The following CKAP2 variants were observed in gnomAD, a reference collection of about 807,000 sequenced individuals.
CKAP2 encodes cytoskeleton associated protein 2.
In CKAP2, 46 loss-of-function variants were observed where a neutral mutation model predicts 58.4. The observed-to-expected ratio is 0.79, with a 90% CI of 0.62 to 1.01. The LOEUF (loss-of-function observed/expected upper bound fraction) is 1.01, where lower values mean the gene tolerates loss of function less well. CKAP2 is among the 50% of genes least tolerant of loss of function. The pLI, the probability that CKAP2 is intolerant of heterozygous loss-of-function variation, is 0.00. For synonymous variants in CKAP2, 293 were observed against 280.9 expected, an observed-to-expected ratio of 1.04 and a Z score of -0.43; for missense variants, 809 against 796.4, an observed-to-expected ratio of 1.02 and a Z score of -0.19.
chr13:52,468,821 A>G (rs1958719293), intron 7 of CKAP2, among the ~76,000 whole-genome samples: 1 of 152,198 alleles, frequency 6.6e-6, no homozygotes, highest in Non-Finnish European at 1.5e-5. Context: ...TATTGTGACT[A>G]GTGCTGCAAT....
chr13:52,465,230 G>A (rs1286743334), intron 5 of CKAP2, 65 bp from the exon 6 acceptor site: 2 of 1,361,412 alleles, frequency 1.5e-6, no homozygotes, highest in Non-Finnish European at 2.1e-6. Flanking sequence ...ACTATAGTAG[G>A]CTCAATTATT....
At position 52,475,218 on chromosome 13, in the gene CKAP2, C is replaced by T. The variant is rs1449490948; in HGVS notation, c.*77C>T. On this transcript the variant is annotated 3_prime_UTR_variant, in exon 9 of 9. Coordinates refer to ENST00000258607, the MANE Select transcript of CKAP2 (RefSeq NM_018204.5). ...TTGTTTTGAGTAGCTTTATATTGCT[C>T]TTAGGTCTGGAGTTGGCCATGTACC... The T allele has an allele frequency of 9.7e-6, 15 of 1,543,586 alleles. No homozygotes were observed. In the Admixed American group the frequency reaches 2.7e-4, roughly 28 times the overall value.
At chr13:52,455,840 C>T (rs1255325694) in intron 1 of CKAP2, 3 of 837,622 alleles carry the variant, frequency 3.6e-6, no homozygotes, top group Non-Finnish European at 4.8e-6. Flanking sequence ...TGTGCGGTCG[C>T]TGCTGGCTGG....
intron 1 of CKAP2, 29 bp downstream of exon 1, chr13:52,455,655 C>A: frequency 7.1e-7 from 1 of 1,403,784 alleles, no homozygotes; most frequent in Non-Finnish European, 9.6e-7. Flanking sequence ...GTGGCGGTGG[C>A]GGTGGCGGTG....
chr13:52,456,289 G>A, intron 1 of CKAP2: 3 of 771,938 alleles, frequency 3.9e-6, no homozygotes, highest in Non-Finnish European at 5.3e-6. Context: ...TTTTCACAGG[G>A]AGTAGAGAAT....
intron 7 of CKAP2, among the ~76,000 whole-genome samples, chr13:52,472,637 AAAAAG>A (rs1958775604): frequency 6.6e-6 from 1 of 152,146 alleles, no homozygotes; most frequent in African/African-American, 2.4e-5. Context: ...CTTTCTCCCA[AAAAAG>A]AAAAGAAAAA....
In CKAP2 at chr13:52,474,035, A is replaced by T. The variant is rs767897476; in HGVS notation, c.1753A>T (p.Thr585Ser). 3 of 1,613,994 alleles carry T rather than the reference A, an allele frequency of 1.9e-6. No individual in the cohort carries two copies. The highest frequency in any genetic ancestry group is 3.3e-5 in the Admixed American group (2 of 60,022). The change falls in exon 8 of 9, where the codon ACA becomes TCA. Residue 585 changes from threonine (T) to serine (S), a missense_variant. Thr to Ser is a moderately conservative substitution (Grantham distance 58). Transcript: ENST00000258607. ...TAAAACCCCCAATACAGAAACGAGG[A>T]CAAGTTGCTTAATTAAATATAATGT... ...DVKTPNTETRTSCLIKYNVST... is the reference protein window; with the variant it reads ...DVKTPNTETRSSCLIKYNVST...
At chr13:52,462,984 C>A (rs1027708435) in intron 5 of CKAP2, among the ~76,000 whole-genome samples, 1 of 152,222 alleles carries the variant, frequency 6.6e-6, no homozygotes, top group Non-Finnish European at 1.5e-5. Context: ...CTCACCCAAG[C>A]TGGAGTGCAG....
chr13:52,457,685 T>G (rs541171717), intron 2 of CKAP2, among the ~76,000 whole-genome samples: 52 of 152,224 alleles, frequency 3.4e-4, no homozygotes, highest in African/African-American at 1.2e-3. Flanking sequence ...AAACCCCGTC[T>G]CTACTAAAAA....
Position 52,461,105 on chromosome 13 carries a change from A to G in CKAP2, c.279A>G (p.Thr93=). The change falls in exon 4 of 9, where the codon ACA becomes ACG. Residue 93 remains threonine, a synonymous_variant. Coordinates refer to ENST00000258607, the MANE Select transcript of CKAP2 (RefSeq NM_018204.5). ...MKRPAESKNN[T]VVGKHCIPLK... ...GACCTGCAGAGAGCAAAAATAATAC[A>G]GTGGTGGGGAAACATTGTATTCCTT... The G allele has an allele frequency of 6.2e-7, 1 of 1,606,314 alleles. No individual in the cohort carries two copies.
At chr13:52,465,166 C>A in intron 5 of CKAP2, 129 bp from the exon 6 acceptor site, 1 of 687,740 alleles carries the variant, frequency 1.5e-6, no homozygotes, top group South Asian at 2.3e-5. Flanking sequence ...AATTTCTCAA[C>A]TAATGTTTCA....
At chr13:52,466,012 T>TAC (rs969098320) in intron 6 of CKAP2, among the ~76,000 whole-genome samples, 2 of 151,506 alleles carry the variant, frequency 1.3e-5, no homozygotes, top group African/African-American at 4.9e-5. Flanking sequence ...TATACACACA[T>TAC]ACACATATAT....
intron 7 of CKAP2, among the ~76,000 whole-genome samples, chr13:52,468,946 C>T (rs1166936026): frequency 2.0e-5 from 3 of 152,146 alleles, no homozygotes; most frequent in South Asian, 2.1e-4. Flanking sequence ...TTTGAGGAAT[C>T]GCCACACTGT....
In CKAP2 at chr13:52,455,480, A is replaced by T. The variant is rs1006627000; in HGVS notation, c.-77A>T. ...CCGTCTGACGGCTTAGCCGCGGTGCAGACTGCGGCGGCGGTGGTCTGAGGA... is the reference window on the plus strand; with the variant it reads ...CCGTCTGACGGCTTAGCCGCGGTGCTGACTGCGGCGGCGGTGGTCTGAGGA... On this transcript the variant is annotated 5_prime_UTR_variant, in exon 1 of 9. Transcript: ENST00000258607. 6.4e-7 allele frequency: 1 copy of T among 1,553,350 alleles called. No homozygotes were observed. Among genetic ancestry groups the T allele is most frequent in the African/African-American group, 1.4e-5 (1 of 73,814 alleles).
At chr13:52,467,367 TAAATG>T (rs1010385277) in intron 6 of CKAP2, among the ~76,000 whole-genome samples, 1 of 152,048 alleles carries the variant, frequency 6.6e-6, no homozygotes, top group Non-Finnish European at 1.5e-5. Context: ...ACCATAGACT[TAAATG>T]TAAGAGAAAA....
At chr13:52,464,409 TG>T (rs1958631232) in intron 5 of CKAP2, among the ~76,000 whole-genome samples, 1 of 151,960 alleles carries the variant, frequency 6.6e-6, no homozygotes, top group South Asian at 2.1e-4. Flanking sequence ...AAAAATTAGC[TG>T]GGCATGGAGG....
At chr13:52,467,678 C>T (rs1034386309) in intron 6 of CKAP2, among the ~76,000 whole-genome samples, 4 of 151,904 alleles carry the variant, frequency 2.6e-5, no homozygotes, top group Non-Finnish European at 5.9e-5. Flanking sequence ...CACTGCATTC[C>T]ATCCTGGCAA....
At chr13:52,465,499 A>C in intron 6 of CKAP2, 34 bp downstream of exon 6, 1 of 1,560,106 alleles carries the variant, frequency 6.4e-7, no homozygotes, top group South Asian at 1.1e-5. Context: ...TTACAATTAC[A>C]GTGTAGTAGA....
At position 52,461,365 on chromosome 13, in the gene CKAP2, G is replaced by C; in HGVS notation, c.539G>C (p.Gly180Ala). 5 of 1,614,164 alleles carry C rather than the reference G, an allele frequency of 3.1e-6. No individual in the cohort carries two copies. Among genetic ancestry groups the C allele is most frequent in the Non-Finnish European group, 4.2e-6 (5 of 1,180,024 alleles). ...AAACCTGTGCTTGGATCTTATCGTG[G>C]CCAGATTGTTCAGTCTAAGATTAAT... is the stretch of plus-strand genomic sequence containing the variant. ...PKKPVLGSYRGQIVQSKINSF... is the reference protein window; with the variant it reads ...PKKPVLGSYRAQIVQSKINSF... The change falls in exon 4 of 9, where the codon GGC becomes GCC. Residue 180 changes from glycine to alanine, a missense_variant. This residue lies in a region of CKAP2 where 523 missense variants were observed against 492.4 expected (regional missense o/e 1.06). Coordinates refer to ENST00000258607, the MANE Select transcript of CKAP2 (RefSeq NM_018204.5).
Sources: allele counts gnomAD v4.1 joint callset (sites outside exome capture counted in the v4.1 genomes callset), GRCh38; gene constraint gnomAD v4.1.1; regional missense constraint gnomAD v4.1.1; transcripts MANE v1.5; gene names NCBI Gene and HGNC (gene_info 2026-07-23, HGNC 2026-07-21).